The following ABCC1 variants were observed in gnomAD, a reference collection of about 807,000 sequenced individuals.
ABCC1 encodes ATP binding cassette subfamily C member 1 (ABCC1 blood group), also known as multidrug resistance-associated protein 1.
Under a neutral mutation model 172.9 loss-of-function variants are expected in ABCC1, and 83 were observed. The ratio of observed to expected loss-of-function variants is 0.48; its 90% CI spans 0.40 to 0.58. The LOEUF (loss-of-function observed/expected upper bound fraction) is 0.58, where lower values mean the gene tolerates loss of function less well. Ranked by LOEUF, ABCC1 falls within the 20% of genes least tolerant of loss-of-function variation. The pLI, the probability that ABCC1 is intolerant of heterozygous loss-of-function variation, is 0.00. For missense variants in ABCC1, 1,817 were observed against 2,002.7 expected, an observed-to-expected ratio of 0.91 and a Z score of 1.77; for synonymous variants, 937 against 825.2, an observed-to-expected ratio of 1.14 and a Z score of -2.32.
At chr16:16,044,378 T>G (rs1271136737) in intron 7 of ABCC1, 72 bp from the exon 8 acceptor site, 1 of 1,332,266 alleles carries the variant, frequency 7.5e-7, no homozygotes, top group African/African-American at 1.5e-5. Flanking sequence ...TGACATTCCC[T>G]GGCCATGTCC....
intron 4 of ABCC1, 125 bp from the exon 5 acceptor site, chr16:16,016,371 C>A: frequency 8.0e-7 from 1 of 1,242,874 alleles, no homozygotes; most frequent in South Asian, 1.4e-5. Flanking sequence ...CCAGGATGGT[C>A]TCCAACTCTT....
intron 18 of ABCC1, among the ~76,000 whole-genome samples, chr16:16,089,447 C>A (rs923286323): frequency 1.3e-5 from 2 of 151,736 alleles, no homozygotes; most frequent in African/African-American, 4.8e-5. Flanking sequence ...ACTTGGGAGG[C>A]TGAGGCAGGA....
chr16:16,090,330 TTA>T, intron 18 of ABCC1, 73 bp from the exon 19 acceptor site: 4 of 1,439,028 alleles, frequency 2.8e-6, no homozygotes, highest in Middle Eastern at 2.1e-4. Context: ...CATTCCTCCT[TTA>T]GTCTTCACTC....
chr16:16,056,259 C>T lies in ABCC1; in HGVS notation c.1641C>T (p.Ala547=), dbSNP rs369559791. Residue 547 remains alanine, a synonymous_variant, in exon 12 of 31, where the codon GCC becomes GCT. Coordinates refer to ENST00000399410, the MANE Select transcript of ABCC1 (RefSeq NM_004996.4). ...TGAAGAAGTCTGCCTACCTGTCAGC[C>T]GTGGGCACCTTCACCTGGGTCTGCA... The part of the protein sequence containing the change: ...KVLKKSAYLS[A]VGTFTWVCTP... 138 of 1,614,224 alleles carry T rather than the reference C, an allele frequency of 8.5e-5. No homozygotes were observed. In the African/African-American group the frequency reaches 1.3e-3, roughly 15 times the overall value.
intron 5 of ABCC1, among the ~76,000 whole-genome samples, chr16:16,031,244 T>G (rs1205620424): frequency 6.6e-6 from 1 of 152,200 alleles, no homozygotes; most frequent in Non-Finnish European, 1.5e-5. Context: ...ATGCCTTATA[T>G]CTGCACAAGG....
chr16:16,039,553 G>A (rs72775885), intron 7 of ABCC1, among the ~76,000 whole-genome samples: 20,481 of 151,968 alleles, frequency 0.13, 1,591 homozygotes, highest in Admixed American at 0.17. Context: ...ACAGGCATGA[G>A]CTACTGTGTC....
chr16:16,058,311 T>G (rs1175278149), intron 12 of ABCC1, among the ~76,000 whole-genome samples: 3 of 152,224 alleles, frequency 2.0e-5, no homozygotes, highest in African/African-American at 7.2e-5. Context: ...TTTTATTAAC[T>G]GTGTCATTCT....
At chr16:16,080,116 TAAG>T (rs1425018053) in intron 16 of ABCC1, among the ~76,000 whole-genome samples, 1 of 152,126 alleles carries the variant, frequency 6.6e-6, no homozygotes, top group African/African-American at 2.4e-5. Flanking sequence ...TTTGGCCACT[TAAG>T]AAATACTTAG....
chr16:16,100,567 G>T (rs1304799258), intron 19 of ABCC1, among the ~76,000 whole-genome samples: 3 of 152,174 alleles, frequency 2.0e-5, no homozygotes, highest in Non-Finnish European at 2.9e-5. Context: ...TGTTTTGTTT[G>T]TTTTTTAAGT....
At chr16:16,008,411 C>T (rs1239328212) in intron 2 of ABCC1, among the ~76,000 whole-genome samples, 1 of 151,662 alleles carries the variant, frequency 6.6e-6, no homozygotes, top group East Asian at 2.0e-4. Flanking sequence ...TGCTGTGTTG[C>T]CCGGGCTGGT....
chr16:16,052,534 G>T (rs2049473843), intron 10 of ABCC1, among the ~76,000 whole-genome samples, 190 bp from the exon 11 acceptor site: 1 of 152,156 alleles, frequency 6.6e-6, no homozygotes, highest in African/African-American at 2.4e-5. Flanking sequence ...TCAAGGGATT[G>T]GGAGGACCTG....
intron 1 of ABCC1, among the ~76,000 whole-genome samples, chr16:15,983,844 C>T (rs1212295633): frequency 6.6e-6 from 1 of 152,154 alleles, no homozygotes; most frequent in African/African-American, 2.4e-5. Context: ...GTACAAGCCA[C>T]CGCGCCTGGC....
chr16:15,997,380 C>T (rs215069), intron 1 of ABCC1, among the ~76,000 whole-genome samples: 10,335 of 152,152 alleles, frequency 0.068, 386 homozygotes, highest in Middle Eastern at 0.11. Flanking sequence ...CGTGAGCCAC[C>T]GCGCCCAGCC....
rs1336222119 is a variant in ABCC1, at chr16:16,106,734, C to A, written c.2736-4C>A. On this transcript the variant is annotated splice_polypyrimidine_tract_variant and splice_region_variant and intron_variant, in intron 20 of 30. Transcript: ENST00000399410. ...GTTGACACCCTTGTGCTTTGCTTCT[C>A]CAGACAGCTCAGCAGCTCCTCCTCC... 1.2e-6 allele frequency: 2 copies of A among 1,613,854 alleles called. No homozygotes were observed. Among genetic ancestry groups the A allele is most frequent in the African/African-American group, 1.3e-5 (1 of 74,932 alleles).
intron 28 of ABCC1, among the ~76,000 whole-genome samples, chr16:16,135,961 A>G (rs2152160148): frequency 6.6e-6 from 1 of 151,988 alleles, no homozygotes; most frequent in East Asian, 1.9e-4. Context: ...GGCTCCAGGA[A>G]GTTGTATGGA....
intron 1 of ABCC1, among the ~76,000 whole-genome samples, chr16:15,970,860 G>T (rs1398390407): frequency 2.0e-5 from 3 of 152,202 alleles, no homozygotes; most frequent in African/African-American, 7.2e-5. Context: ...CTCCGAAAGT[G>T]TTGGGATTAC....
At chr16:16,117,131 C>T (rs1251332025) in intron 23 of ABCC1, among the ~76,000 whole-genome samples, 1 of 152,168 alleles carries the variant, frequency 6.6e-6, no homozygotes, top group Non-Finnish European at 1.5e-5. Context: ...GTTAGTTTGT[C>T]CTCATACTGC....
intron 13 of ABCC1, among the ~76,000 whole-genome samples, chr16:16,069,170 AAATAAATAAAT>A: frequency 1.6e-5 from 1 of 64,408 alleles, no homozygotes; most frequent in African/African-American, 9.6e-5. Context: ...AATAAAATAA[AAATAAATAAAT>A]AAATAAATAA....
chr16:15,958,442 C>T (rs184559822), intron 1 of ABCC1, among the ~76,000 whole-genome samples: 1 of 152,108 alleles, frequency 6.6e-6, no homozygotes, highest in Non-Finnish European at 1.5e-5. Context: ...TTCCTCACAC[C>T]TGGTCTGCTT....
Sources: allele counts gnomAD v4.1 joint callset (sites outside exome capture counted in the v4.1 genomes callset), GRCh38; gene constraint gnomAD v4.1.1; transcripts MANE v1.5; gene names NCBI Gene and HGNC (gene_info 2026-07-23, HGNC 2026-07-21).